The following CACNA1A variants were observed in gnomAD, a reference collection of about 807,000 sequenced individuals.
The protein encoded by CACNA1A is calcium voltage-gated channel subunit alpha1 A, also known as voltage-dependent P/Q-type calcium channel subunit alpha-1A.
CACNA1A carries 57 observed loss-of-function variants against 262.4 expected under a neutral mutation model. The observed-to-expected ratio is 0.22, with a 90% CI of 0.18 to 0.27. The LOEUF is 0.27. Among genes scored for constraint, CACNA1A ranks in the 10% least tolerant of loss-of-function variants. The probability of loss-of-function intolerance (pLI) is 1.00; values close to 1 mark genes in which losing one functional copy is unlikely to be tolerated. For missense variants in CACNA1A, 2,526 were observed against 3,562.8 expected (o/e 0.71, Z 7.41); for synonymous variants, 1,431 against 1,419.3 (o/e 1.01, Z -0.18).
intron 6 of CACNA1A, among the ~76,000 whole-genome samples, chr19:13,358,320 C>G (rs950958678): frequency 1.3e-5 from 2 of 152,124 alleles, no homozygotes; most frequent in Admixed American, 1.3e-4. Flanking sequence ...AATCCCAGCA[C>G]TTTGGGAGGC....
At position 13,207,343 on chromosome 19, in the gene CACNA1A, G is replaced by C. The variant is rs1368524598; in HGVS notation, c.7491C>G (p.Pro2497=). Residue 2497 remains proline, a synonymous_variant, in exon 47 of 47, where the codon CCC becomes CCG. Coordinates refer to ENST00000360228, the MANE Select transcript of CACNA1A (RefSeq NM_001127222.2). This position sits in a 1 kb window ranked among gnomAD's most constrained non-coding sequence, Gnocchi z 5.7. ...GPGSRKGLHE[P]YSESDDDWC The stretch of plus-strand genomic sequence containing the variant: ...ACCAATCATCGTCACTCTCGCTGTA[G>C]GGTTCGTGCAGGCCCTTCCTGGAGC... 6.4e-7 allele frequency: 1 copy of C among 1,561,388 alleles called. No individual in the cohort carries two copies. The highest frequency in any genetic ancestry group is 2.3e-5 in the East Asian group (1 of 42,596).
chr19:13,356,935 C>T (rs1021016793), intron 6 of CACNA1A, among the ~76,000 whole-genome samples: 1 of 152,196 alleles, frequency 6.6e-6, no homozygotes, highest in Non-Finnish European at 1.5e-5. Flanking sequence ...AGATGCTACA[C>T]TCAGACGAGG....
intron 3 of CACNA1A, among the ~76,000 whole-genome samples, chr19:13,435,017 T>A (rs1488901799): frequency 6.6e-6 from 1 of 152,068 alleles, no homozygotes; most frequent in Non-Finnish European, 1.5e-5. Flanking sequence ...CTGGAACTCC[T>A]GGGCTCAAGC....
chr19:13,261,698 C>T (rs898470260), intron 25 of CACNA1A, 88 bp from the exon 26 acceptor site: 11 of 1,279,408 alleles, frequency 8.6e-6, no homozygotes, highest in Non-Finnish European at 1.2e-5. Flanking sequence ...AAAATACTGC[C>T]ATGATCATTC....
At chr19:13,227,384 A>G (rs2144609569) in intron 37 of CACNA1A, 47 bp downstream of exon 37, 1 of 942,042 alleles carries the variant, frequency 1.1e-6, no homozygotes, top group Non-Finnish European at 1.6e-6. Context: ...AGAAGAAGAA[A>G]AAAAAACCCA....
chr19:13,484,365 T>C (rs1174975632), intron 1 of CACNA1A, among the ~76,000 whole-genome samples: 5 of 152,070 alleles, frequency 3.3e-5, no homozygotes, highest in Non-Finnish European at 5.9e-5. Flanking sequence ...CCAAAGACCA[T>C]CTGTGGCAAA....
intron 3 of CACNA1A, among the ~76,000 whole-genome samples, chr19:13,379,192 C>T (rs1244272173): frequency 2.6e-5 from 4 of 151,864 alleles, no homozygotes; most frequent in African/African-American, 2.4e-5. Flanking sequence ...CACTTTGTTG[C>T]CTGGTTTCAA....
Position 13,308,151 on chromosome 19 carries a change from C to T in CACNA1A, c.1882G>A (p.Ala628Thr), listed in dbSNP as rs577006493. The T allele has an allele frequency of 6.2e-7, 1 of 1,613,894 alleles. No homozygotes were observed. Among genetic ancestry groups the T allele is most frequent in the African/African-American group, 1.3e-5 (1 of 75,000 alleles). The change falls in exon 14 of 47, where the codon GCC becomes ACC. Residue 628 changes from alanine to threonine, a missense_variant. Physicochemically the swap from Ala to Thr is moderately conservative, Grantham distance 58. Around this residue, in one of 17 missense-constraint regions of CACNA1A, gnomAD observed 102 missense variants for 278.9 expected, o/e 0.37. Coordinates refer to ENST00000360228, the MANE Select transcript of CACNA1A (RefSeq NM_001127222.2). The surrounding 1 kb of genome is among the most constrained non-coding windows in gnomAD (Gnocchi z 4.2). ...FLLFLFIVVF[A>T]LLGMQLFGGQ... ...CCGAAGAGTTGCATTCCCAAAAGGG[C>T]GAAGACGACAATGAACAGGAAAAGG...
At chr19:13,498,016 G>A (rs1483470168) in intron 1 of CACNA1A, among the ~76,000 whole-genome samples, 1 of 151,702 alleles carries the variant, frequency 6.6e-6, no homozygotes, top group Admixed American at 6.6e-5. Context: ...TCCACTGCTT[G>A]TGCTGTTAAT....
At chr19:13,407,168 A>G (rs1397537462) in intron 3 of CACNA1A, among the ~76,000 whole-genome samples, 1 of 152,218 alleles carries the variant, frequency 6.6e-6, no homozygotes, top group Non-Finnish European at 1.5e-5. Flanking sequence ...CACAAAATGC[A>G]CCAAATGGTC....
intron 3 of CACNA1A, among the ~76,000 whole-genome samples, chr19:13,408,287 T>C (rs958880652): frequency 2.0e-5 from 3 of 152,016 alleles, no homozygotes; most frequent in African/African-American, 7.2e-5. Flanking sequence ...GGAGGACTGC[T>C]TGAGATGGGG....
chr19:13,490,639 A>G (rs1222053378), intron 1 of CACNA1A, among the ~76,000 whole-genome samples: 1 of 150,356 alleles, frequency 6.7e-6, no homozygotes, highest in African/African-American at 2.5e-5. Flanking sequence ...AAAAGAAAAG[A>G]AGGAAGGAAG....
intron 38 of CACNA1A, among the ~76,000 whole-genome samples, chr19:13,216,580 G>A (rs898499772): frequency 1.3e-5 from 2 of 151,412 alleles, no homozygotes; most frequent in Admixed American, 6.6e-5. Context: ...TGCCTGCCTC[G>A]GCCTCCCAAA....
chr19:13,370,158 T>C (rs2059294253), intron 4 of CACNA1A, among the ~76,000 whole-genome samples: 1 of 152,078 alleles, frequency 6.6e-6, no homozygotes, highest in African/African-American at 2.4e-5. Flanking sequence ...TGGAGTGCAG[T>C]GGCGTGATTT....
chr19:13,266,899 C>T (rs577229768), intron 24 of CACNA1A, among the ~76,000 whole-genome samples: 1 of 152,332 alleles, frequency 6.6e-6, no homozygotes, highest in South Asian at 2.1e-4. Flanking sequence ...CTGATAACTG[C>T]TCCACCCAGC....
chr19:13,490,691 AG>A (rs1478150428), intron 1 of CACNA1A, among the ~76,000 whole-genome samples: 57 of 76,298 alleles, frequency 7.5e-4, no homozygotes, highest in African/African-American at 3.5e-3. Context: ...AGAGAAAGAA[AG>A]GAAAGAAAGA....
chr19:13,409,540 G>T (rs62111209), intron 3 of CACNA1A, among the ~76,000 whole-genome samples: 10,883 of 152,012 alleles, frequency 0.072, 632 homozygotes, highest in East Asian at 0.26. Context: ...ATAATAAGAA[G>T]AAGAAGAATA....
rs1354604039 is a variant in CACNA1A at position 13,385,767 on chromosome 19, A to G, written c.540-13988T>C. The stretch of plus-strand genomic sequence containing the variant: ...GTGCCTGGCATACAGTAGGCACTCA[A>G]TAAATGTTTACTGAATGAATAATGA... On this transcript the variant is annotated intron_variant, in intron 3 of 46. Coordinates refer to ENST00000360228, the MANE Select transcript of CACNA1A (RefSeq NM_001127222.2). Among the ~76,000 whole-genome samples the G allele has an allele frequency of 2.6e-5, 4 of 152,340 alleles. No individual in the cohort carries two copies. The South Asian group carries it at 8.3e-4, about 32-fold the overall frequency.
At chr19:13,372,373 T>C (rs1222468540) in intron 3 of CACNA1A, among the ~76,000 whole-genome samples, 2 of 152,100 alleles carry the variant, frequency 1.3e-5, no homozygotes, top group African/African-American at 4.8e-5. Flanking sequence ...GGTTTCACCA[T>C]GTTGGCCAGG....
Sources: allele counts gnomAD v4.1 joint callset (sites outside exome capture counted in the v4.1 genomes callset), GRCh38; gene constraint gnomAD v4.1.1; regional missense constraint gnomAD v4.1.1; non-coding constraint Gnocchi (gnomAD v3.1); transcripts MANE v1.5; gene names NCBI Gene and HGNC (gene_info 2026-07-23, HGNC 2026-07-21).